The following LAMC3 variants were observed in gnomAD, a reference collection of about 807,000 sequenced individuals.
The protein encoded by LAMC3 is laminin subunit gamma-3.
In LAMC3, 128 loss-of-function variants were observed where a neutral mutation model predicts 173.8. That is an observed-to-expected ratio of 0.74 (90% CI 0.64 to 0.85). The LOEUF (loss-of-function observed/expected upper bound fraction) is 0.85, where lower values mean the gene tolerates loss of function less well. LAMC3 is among the 40% of genes least tolerant of loss of function. The pLI, the probability that LAMC3 is intolerant of heterozygous loss-of-function variation, is 0.00. For missense variants in LAMC3, 2,022 were observed against 2,156.0 expected (o/e 0.94, Z 1.23); for synonymous variants, 897 against 909.1 (o/e 0.99, Z 0.24).
intron 13 of LAMC3, among the ~76,000 whole-genome samples, chr9:131,062,197 T>C (rs1210593709): frequency 6.6e-6 from 1 of 151,476 alleles, no homozygotes; most frequent in Non-Finnish European, 1.5e-5. Context: ...CCGTCTCTAC[T>C]AAAAATACGA....
chr9:131,079,177 G>T lies in LAMC3; in HGVS notation c.3806G>T (p.Gly1269Val), dbSNP rs747465501. The change falls in exon 23 of 28, where the codon GGC (glycine) becomes GTC (valine). Residue 1269 changes from glycine to valine, a missense_variant. By Grantham distance (109) the Gly-to-Val change is moderately radical (BLOSUM62 -3). Transcript: ENST00000361069. ...CAGAAGTCCCGGGCTGAAGACCTGG[G>T]CCTGAAGGCGAAGGCCCTGGAGAAG... ...LPQKSRAEDL[G>V]LKAKALEKTV... 6.2e-7 allele frequency: 1 copy of T among 1,613,882 alleles called. No homozygotes were observed. The highest frequency in any genetic ancestry group is 1.1e-5 in the South Asian group (1 of 90,988).
At chr9:131,089,291 T>C (rs991106310) in intron 27 of LAMC3, among the ~76,000 whole-genome samples, 14 of 151,950 alleles carry the variant, frequency 9.2e-5, no homozygotes, top group Admixed American at 9.2e-4. Context: ...AACCTGCACG[T>C]TGTGCACATG....
rs754715214 is a variant in LAMC3, at chr9:131,072,597, C to T, written c.3212-33C>T. The T allele has an allele frequency of 4.4e-6, 7 of 1,580,236 alleles. No homozygotes were observed. In the East Asian group the frequency reaches 1.4e-4, roughly 31 times the overall value. The stretch of plus-strand genomic sequence containing the variant: ...GGGCTTTTGTGTGACATCTCCACCA[C>T]TTTGTGACCCCTGGGCTGTGGGCTT... On this transcript the variant is annotated intron_variant, in intron 18 of 27. Transcript: ENST00000361069.
intron 1 of LAMC3, among the ~76,000 whole-genome samples, chr9:131,024,476 C>T (rs1426015278): frequency 1.3e-5 from 2 of 152,108 alleles, no homozygotes; most frequent in Middle Eastern, 3.2e-3. Flanking sequence ...CAAGATGTTT[C>T]AGCAGACGAC....
chr9:131,042,849 C>T (rs1239127483), intron 7 of LAMC3, among the ~76,000 whole-genome samples: 1 of 151,474 alleles, frequency 6.6e-6, no homozygotes, highest in East Asian at 1.9e-4. Flanking sequence ...CCATGGCAGA[C>T]ATCACTAAGG....
chr9:131,091,483 C>G, intron 27 of LAMC3, 54 bp from the exon 28 acceptor site: 1 of 1,552,234 alleles, frequency 6.4e-7, no homozygotes, highest in East Asian at 2.4e-5. Flanking sequence ...GGGAGGTGCC[C>G]TGGGGCCTGC....
chr9:131,045,665 GAGAT>G lies in LAMC3; in HGVS notation c.1519+6_1519+9del. ...TCCTCAGCGATTTCCACCAGGGTAA[GAGAT>G]GCTCCCTGCAAACGCCTCCCAAGGG... On this transcript the variant is annotated splice_donor_region_variant and intron_variant, in intron 8 of 27. Transcript: ENST00000361069. 1 of 1,614,072 alleles carries G rather than the reference GAGAT, an allele frequency of 6.2e-7. No individual in the cohort carries two copies. Among genetic ancestry groups the G allele is most frequent in the East Asian group, 2.2e-5 (1 of 44,886 alleles).
At chr9:131,022,250 A>G (rs565689581) in intron 1 of LAMC3, among the ~76,000 whole-genome samples, 1 of 152,108 alleles carries the variant, frequency 6.6e-6, no homozygotes, top group East Asian at 1.9e-4. Context: ...ACACATATAT[A>G]TGTATTTTTT....
intron 9 of LAMC3, among the ~76,000 whole-genome samples, chr9:131,050,694 G>C (rs1444191707): frequency 3.9e-5 from 6 of 152,078 alleles, no homozygotes; most frequent in Non-Finnish European, 4.4e-5. Context: ...CTTGAACCTG[G>C]GAGATGGAGG....
At chr9:131,081,099 C>A (rs1830230377) in intron 23 of LAMC3, among the ~76,000 whole-genome samples, 1 of 152,198 alleles carries the variant, frequency 6.6e-6, no homozygotes, top group Non-Finnish European at 1.5e-5. Context: ...ACTCTGTTCT[C>A]TGTCTCTGTA....
chr9:131,047,511 T>C (rs1834193270), intron 8 of LAMC3, among the ~76,000 whole-genome samples: 2 of 149,994 alleles, frequency 1.3e-5, no homozygotes, highest in South Asian at 4.3e-4. Context: ...AACCCCAAAG[T>C]GCTTTTGTTT....
rs777086759 is a variant in LAMC3, at chr9:131,041,692, C to T, written c.1339C>T (p.Arg447Cys). 4.5e-5 allele frequency: 73 copies of T among 1,613,890 alleles called. No homozygotes were observed. Among genetic ancestry groups the T allele is most frequent in the Admixed American group, 5.0e-5 (3 of 60,002 alleles). ...GGACACCTGTGACCCCCGCAGTGGGCGCTGCCCCTGCAAAGAGAATGTGGA... is the reference window on the plus strand; with the variant it reads ...GGACACCTGTGACCCCCGCAGTGGGTGCTGCCCCTGCAAAGAGAATGTGGA... Reference protein sequence around the residue: ...SLDTCDPRSGRCPCKENVEGN... With the variant: ...SLDTCDPRSGCCPCKENVEGN... The change falls in exon 7 of 28, where the codon CGC becomes TGC. Residue 447 changes from arginine (R) to cysteine (C), a missense_variant. Physicochemically the swap from Arg to Cys is radical, Grantham distance 180 (BLOSUM62 -3). Coordinates refer to ENST00000361069, the MANE Select transcript of LAMC3 (RefSeq NM_006059.4).
chr9:131,083,150 TCTG>T (rs1588169887), intron 24 of LAMC3, among the ~76,000 whole-genome samples: 1 of 152,336 alleles, frequency 6.6e-6, no homozygotes, highest in Non-Finnish European at 1.5e-5. Flanking sequence ...CTTAAGGTCA[TCTG>T]CTGCAAATCT....
chr9:131,039,337 C>T, intron 6 of LAMC3, 89 bp downstream of exon 6: 2 of 1,072,600 alleles, frequency 1.9e-6, no homozygotes, highest in South Asian at 1.3e-5. Flanking sequence ...CTCCCCTCCC[C>T]ATCCCTTCCT....
chr9:131,093,868 C>T lies in LAMC3; in HGVS notation c.*2081C>T, dbSNP rs1830465109. 1 of 152,664 alleles carries T rather than the reference C, an allele frequency of 6.6e-6. No individual in the cohort carries two copies. Among genetic ancestry groups the T allele is most frequent in the Non-Finnish European group, 1.5e-5 (1 of 68,360 alleles). 9.5% of individuals were successfully genotyped at this position (152,664 alleles called of 1,614,324 possible). Reference sequence around the variant, plus strand: ...TCGCTCTGTTGCCCAGGCTGGAGTGCAGTGGCATGATCTCTGCCCACTGCA... The same window carrying T: ...TCGCTCTGTTGCCCAGGCTGGAGTGTAGTGGCATGATCTCTGCCCACTGCA... On this transcript the variant is annotated 3_prime_UTR_variant, in exon 28 of 28. Coordinates refer to ENST00000361069, the MANE Select transcript of LAMC3 (RefSeq NM_006059.4).
In LAMC3 at chr9:131,026,425, G is replaced by T; in HGVS notation, c.514G>T (p.Gly172Cys). 1 of 1,613,808 alleles carries T rather than the reference G, an allele frequency of 6.2e-7. No individual in the cohort carries two copies. The highest frequency in any genetic ancestry group is 8.5e-7 in the Non-Finnish European group (1 of 1,179,918). ...CAGCGCCTCCTGCCAGAAGACCTAC[G>T]GCCGGCCCGAGGGCCAGTACCTGCG... is the stretch of plus-strand genomic sequence containing the variant. ...FYSASCQKTY[G>C]RPEGQYLRPG... is the part of the protein sequence containing the mutation. Residue 172 changes from glycine (G) to cysteine (C), a missense_variant, in exon 2 of 28, where the codon GGC (glycine) becomes TGC (cysteine). By Grantham distance (159) the Gly-to-Cys change is radical. Coordinates refer to ENST00000361069, the MANE Select transcript of LAMC3 (RefSeq NM_006059.4). This position sits in a 1 kb window ranked among gnomAD's most constrained non-coding sequence, Gnocchi z 4.8.
intron 12 of LAMC3, among the ~76,000 whole-genome samples, chr9:131,057,967 T>A (rs1281505706): frequency 3.0e-4 from 46 of 152,246 alleles, no homozygotes; most frequent in Admixed American, 3.0e-3. Context: ...GGACCCTTCC[T>A]GTCCCATCTC....
intron 14 of LAMC3, 152 bp downstream of exon 14, chr9:131,067,357 C>T: frequency 1.1e-6 from 1 of 921,518 alleles, no homozygotes; most frequent in East Asian, 2.5e-5. Flanking sequence ...CACTTCCCTT[C>T]CTGTCTCCAT....
intron 1 of LAMC3, among the ~76,000 whole-genome samples, chr9:131,015,066 G>A (rs778479486): frequency 6.6e-6 from 1 of 152,200 alleles, no homozygotes; most frequent in Non-Finnish European, 1.5e-5. Flanking sequence ...CCCTGTTATT[G>A]TTATGCCTAT....
Sources: gnomAD v4.1 joint callset for allele counts (sites outside exome capture counted in the v4.1 genomes callset) on GRCh38, gnomAD v4.1.1 for gene constraint, Gnocchi (gnomAD v3.1) non-coding constraint, MANE v1.5 for transcripts, NCBI Gene and HGNC (gene_info 2026-07-23, HGNC 2026-07-21) for gene names.